The following MPPED2 variants were observed in gnomAD, a reference collection of about 807,000 sequenced individuals.
MPPED2 encodes metallophosphoesterase domain containing 2.
Under a neutral mutation model 33.0 loss-of-function variants are expected in MPPED2, and 5 were observed. The observed-to-expected ratio is 0.15, with a 90% confidence interval of 0.08 to 0.32. The LOEUF (loss-of-function observed/expected upper bound fraction) is 0.32, where lower values mean the gene tolerates loss of function less well. Ranked by LOEUF, MPPED2 falls within the 10% of genes least tolerant of loss-of-function variation. The pLI, the probability that MPPED2 is intolerant of heterozygous loss-of-function variation, is 1.00. For synonymous variants in MPPED2, 136 were observed against 141.9 expected, an observed-to-expected ratio of 0.96 and a Z score of 0.29; for missense variants, 275 against 372.1, an observed-to-expected ratio of 0.74 and a Z score of 2.15.
intron 4 of MPPED2, among the ~76,000 whole-genome samples, chr11:30,426,880 C>T (rs1948861688): frequency 6.6e-6 from 1 of 152,140 alleles, no homozygotes; most frequent in East Asian, 1.9e-4. Context: ...CCGTTTCCTC[C>T]TATACATTCC....
At position 30,525,073 on chromosome 11, in the gene MPPED2, C is replaced by A. The variant is rs190460762; in HGVS notation, c.310+10921G>T. Among the ~76,000 whole-genome samples, 552 of 152,278 alleles carry A rather than the reference C, an allele frequency of 3.6e-3. 7 individuals are homozygous for A. The highest frequency in any genetic ancestry group is 0.012 in the African/African-American group (513 of 41,552). On this transcript the variant is annotated intron_variant, in intron 3 of 6. Coordinates refer to ENST00000358117, the MANE Select transcript of MPPED2 (RefSeq NM_001584.3). ...GAAAGACAAAGCCCCCAGTCCTAGG[C>A]CTCCCACTGACAAATCTGTGCAAAA...
intron 3 of MPPED2, among the ~76,000 whole-genome samples, chr11:30,531,671 A>C (rs1954533531): frequency 6.6e-6 from 1 of 152,210 alleles, no homozygotes; most frequent in Admixed American, 6.5e-5. Flanking sequence ...GACTGGCTGC[A>C]TCTGTAGAAT....
At chr11:30,517,767 G>A (rs1953616050) in intron 3 of MPPED2, among the ~76,000 whole-genome samples, 1 of 152,102 alleles carries the variant, frequency 6.6e-6, no homozygotes, top group Non-Finnish European at 1.5e-5. Context: ...AGAAAGAACT[G>A]CCATGCCAAG....
chr11:30,418,209 G>A (rs1948459140), intron 4 of MPPED2, among the ~76,000 whole-genome samples: 1 of 152,248 alleles, frequency 6.6e-6, no homozygotes, highest in Non-Finnish European at 1.5e-5. Flanking sequence ...AAAGTGAGAA[G>A]GAACACAGTA....
chr11:30,563,752 A>C (rs35373738), intron 2 of MPPED2, among the ~76,000 whole-genome samples: 7,165 of 152,316 alleles, frequency 0.047, 252 homozygotes, highest in African/African-American at 0.099. Flanking sequence ...TGATTTGTCA[A>C]AGATGAATTT....
rs1948061669 is a variant in MPPED2 at position 30,410,412 on chromosome 11, T to C, written c.*1056A>G. ...CGACAATATTTTGTGCTAGCGAAGA[T>C]TGCATCGACACACAGTGCAAAATGG... On this transcript the variant is annotated 3_prime_UTR_variant, in exon 7 of 7. Transcript: ENST00000358117. 5 of 985,526 alleles carry C rather than the reference T, an allele frequency of 5.1e-6. No individual in the cohort carries two copies. The highest frequency in any genetic ancestry group is 6.0e-6 in the Non-Finnish European group (5 of 829,882). 61.0% of individuals were successfully genotyped at this position (985,526 alleles called of 1,614,324 possible).
exon 7 of MPPED2, chr11:30,386,471 T>C (rs891576026): frequency 4.8e-5 from 16 of 331,888 alleles, no homozygotes; most frequent in Non-Finnish European, 7.1e-5. Flanking sequence ...GGGTATAAGC[T>C]GTAAGCCTTG....
chr11:30,432,974 C>T (rs1296484462), intron 4 of MPPED2, among the ~76,000 whole-genome samples: 1 of 152,214 alleles, frequency 6.6e-6, no homozygotes, highest in Non-Finnish European at 1.5e-5. Context: ...TAATCTTCAG[C>T]TTTTGATACT....
chr11:30,479,851 G>T (rs984064794), intron 4 of MPPED2, among the ~76,000 whole-genome samples: 3 of 152,076 alleles, frequency 2.0e-5, no homozygotes, highest in Admixed American at 6.6e-5. Flanking sequence ...GAGAGACTGA[G>T]AAATTTGCTA....
At chr11:30,524,846 T>C (rs1232150925) in intron 3 of MPPED2, among the ~76,000 whole-genome samples, 1 of 152,196 alleles carries the variant, frequency 6.6e-6, no homozygotes, top group Non-Finnish European at 1.5e-5. Flanking sequence ...GAGGTATTAT[T>C]GGTTTTGAGG....
chr11:30,407,819 T>C (rs1948013683), downstream of MPPED2, among the ~76,000 whole-genome samples: 1 of 152,082 alleles, frequency 6.6e-6, no homozygotes. Context: ...TGCAGTGAGC[T>C]GGGATTGCAC....
chr11:30,454,163 C>T (rs1292740471), intron 4 of MPPED2, among the ~76,000 whole-genome samples: 1 of 152,174 alleles, frequency 6.6e-6, no homozygotes, highest in Non-Finnish European at 1.5e-5. Context: ...GCACCTTAAT[C>T]CTGATGACAT....
At chr11:30,386,142 G>A (rs1223686482) in exon 7 of MPPED2, 1 of 152,250 alleles carries the variant, frequency 6.6e-6, no homozygotes, top group Non-Finnish European at 1.5e-5. Context: ...AACTGGTTGT[G>A]TGGTGGAGAA....
exon 7 of MPPED2, chr11:30,386,013 AG>A (rs1251963781): frequency 1.3e-5 from 2 of 152,170 alleles, no homozygotes; most frequent in African/African-American, 4.8e-5. Context: ...TAGAGGGGCC[AG>A]GACCCCTTCT....
chr11:30,528,684 C>T (rs984772630), intron 3 of MPPED2, among the ~76,000 whole-genome samples: 14 of 152,236 alleles, frequency 9.2e-5, no homozygotes, highest in African/African-American at 2.4e-4. Flanking sequence ...GTCTCGAACT[C>T]CTGGGCTCAA....
intron 4 of MPPED2, among the ~76,000 whole-genome samples, chr11:30,457,914 TTCCTAATGTCCAAATGTTGAGAGC>T (rs1252077150): frequency 2.0e-5 from 3 of 152,176 alleles, no homozygotes; most frequent in Non-Finnish European, 4.4e-5. Flanking sequence ...ACACATTAAA[TTCCTAATGTCCAAATGTTGAGAGC>T]AACCTCTGCT....
chr11:30,505,411 C>A (rs996079563), intron 3 of MPPED2, among the ~76,000 whole-genome samples: 1 of 152,136 alleles, frequency 6.6e-6, no homozygotes, highest in Admixed American at 6.5e-5. Context: ...AGTTGCCACC[C>A]AAATCAACAT....
chr11:30,389,041 T>C, intron 6 of MPPED2: 1 of 1,453,448 alleles, frequency 6.9e-7, no homozygotes, highest in East Asian at 2.5e-5. Flanking sequence ...TCTGATGGTG[T>C]CTTGATTACC....
intron 4 of MPPED2, among the ~76,000 whole-genome samples, chr11:30,431,925 AG>A (rs1216835575): frequency 1.3e-5 from 2 of 152,316 alleles, no homozygotes; most frequent in South Asian, 2.1e-4. Context: ...CTGTAATTCC[AG>A]CACTTTGGGA....
Sources: gnomAD v4.1 joint callset for allele counts (sites outside exome capture counted in the v4.1 genomes callset) on GRCh38, gnomAD v4.1.1 for gene constraint, MANE v1.5 for transcripts, NCBI Gene and HGNC (gene_info 2026-07-23, HGNC 2026-07-21) for gene names.